Variants in BRINP1 observed in about 807,000 individuals in gnomAD.
BRINP1 encodes BMP/retinoic acid-inducible neural-specific protein 1.
BRINP1 carries 17 observed loss-of-function variants against 72.9 expected under a neutral mutation model. The ratio of observed to expected loss-of-function variants is 0.23; its 90% CI spans 0.16 to 0.35. BRINP1 has a LOEUF of 0.35. Among genes scored for constraint, BRINP1 ranks in the 10% least tolerant of loss-of-function variants. The pLI is 1.00. For missense variants in BRINP1, 850 were observed against 1,001.6 expected, an observed-to-expected ratio of 0.85 and a Z score of 2.04; for synonymous variants, 418 against 378.5, an observed-to-expected ratio of 1.10 and a Z score of -1.21.
At chr9:119,352,525 A>G (rs989694094) in intron 1 of BRINP1, among the ~76,000 whole-genome samples, 2 of 152,052 alleles carry the variant, frequency 1.3e-5, no homozygotes, top group Admixed American at 6.6e-5. Flanking sequence ...CTCCTGCCTC[A>G]GCTTCCTGAG....
intron 2 of BRINP1, among the ~76,000 whole-genome samples, chr9:119,283,736 T>G (rs1455097848): frequency 6.6e-6 from 1 of 152,182 alleles, no homozygotes; most frequent in Non-Finnish European, 1.5e-5. Context: ...TTTCACCATG[T>G]TGGCCAGGCT....
chr9:119,335,492 A>T (rs1475239027), intron 1 of BRINP1, among the ~76,000 whole-genome samples: 1 of 152,204 alleles, frequency 6.6e-6, no homozygotes, highest in Non-Finnish European at 1.5e-5. Flanking sequence ...TTCAACAGGT[A>T]CTTACTGGAT....
chr9:119,291,692 C>T (rs1830823116), intron 2 of BRINP1, among the ~76,000 whole-genome samples: 1 of 152,136 alleles, frequency 6.6e-6, no homozygotes, highest in African/African-American at 2.4e-5. Flanking sequence ...GCTGAAAATC[C>T]AGCATCCAGT....
chr9:119,183,884 C>G (rs751848810), intron 7 of BRINP1, among the ~76,000 whole-genome samples: 4 of 152,076 alleles, frequency 2.6e-5, no homozygotes, highest in Non-Finnish European at 4.4e-5. Context: ...TGTCACATCA[C>G]TGGGACTAAA....
intron 1 of BRINP1, among the ~76,000 whole-genome samples, chr9:119,337,364 C>T (rs774311052): frequency 2.0e-5 from 3 of 152,154 alleles, no homozygotes; most frequent in African/African-American, 4.8e-5. Flanking sequence ...AGAGCTTCCA[C>T]GTAGGAATGA....
At chr9:119,260,412 C>A (rs1054350867) in intron 2 of BRINP1, among the ~76,000 whole-genome samples, 1 of 152,190 alleles carries the variant, frequency 6.6e-6, no homozygotes, top group Admixed American at 6.5e-5. Context: ...CCTTTATAGA[C>A]AGTTTGCTAA....
At chr9:119,174,668 G>A (rs1018008017) in intron 7 of BRINP1, among the ~76,000 whole-genome samples, 9 of 150,016 alleles carry the variant, frequency 6.0e-5, no homozygotes, top group South Asian at 2.1e-4. Flanking sequence ...ACATGCACAC[G>A]TATGTTTATT....
rs374849920 is a variant in BRINP1 at position 119,357,568 on chromosome 9, A to G, written c.-51+11488T>C. Among the ~76,000 whole-genome samples, 36 of 152,334 alleles carry G rather than the reference A, an allele frequency of 2.4e-4. 1 individual carries two copies. The highest frequency in any genetic ancestry group is 8.7e-4 in the African/African-American group (36 of 41,582). ...TGCCGAGGCACTGTGAAGTTAAATTACTATTTTAAGAGGCTATGAAGTTGG... is the reference window on the plus strand; with the variant it reads ...TGCCGAGGCACTGTGAAGTTAAATTGCTATTTTAAGAGGCTATGAAGTTGG... On this transcript the variant is annotated intron_variant, in intron 1 of 7. Coordinates refer to ENST00000265922, the MANE Select transcript of BRINP1 (RefSeq NM_014618.3).
intron 2 of BRINP1, among the ~76,000 whole-genome samples, chr9:119,262,141 C>T (rs775680306): frequency 1.1e-4 from 16 of 152,106 alleles, no homozygotes; most frequent in East Asian, 3.9e-4. Flanking sequence ...TCAAAGATTC[C>T]GGGTTTAACT....
chr9:119,169,876 A>G (rs1829380476), intron 7 of BRINP1, among the ~76,000 whole-genome samples: 2 of 152,162 alleles, frequency 1.3e-5, no homozygotes, highest in Non-Finnish European at 2.9e-5. Flanking sequence ...GGGCACACTG[A>G]CACGTCACAG....
chr9:119,202,330 A>G (rs1444319437), intron 7 of BRINP1, among the ~76,000 whole-genome samples: 1 of 152,158 alleles, frequency 6.6e-6, no homozygotes, highest in Non-Finnish European at 1.5e-5. Flanking sequence ...AACTTAGCCC[A>G]TTCCCATTCC....
At chr9:119,280,566 G>A (rs949944971) in intron 2 of BRINP1, among the ~76,000 whole-genome samples, 2 of 152,056 alleles carry the variant, frequency 1.3e-5, no homozygotes, top group African/African-American at 4.8e-5. Flanking sequence ...ATTTTTAAAT[G>A]CTGTTGAATC....
intron 7 of BRINP1, among the ~76,000 whole-genome samples, chr9:119,199,251 T>A (rs1310858816): frequency 6.6e-6 from 1 of 151,540 alleles, no homozygotes; most frequent in Non-Finnish European, 1.5e-5. Context: ...ACTGCAGGAG[T>A]CTATGGAGAT....
intron 2 of BRINP1, among the ~76,000 whole-genome samples, chr9:119,251,159 T>C (rs1436567242): frequency 6.6e-6 from 1 of 152,196 alleles, no homozygotes; most frequent in African/African-American, 2.4e-5. Flanking sequence ...CTGAGTACCT[T>C]GCATGTTGTT....
chr9:119,319,323 G>A (rs1831160709), intron 1 of BRINP1, among the ~76,000 whole-genome samples: 1 of 152,156 alleles, frequency 6.6e-6, no homozygotes, highest in Non-Finnish European at 1.5e-5. Flanking sequence ...ATTTCCTCAA[G>A]TAGAGATGAA....
At chr9:119,258,489 T>C (rs1316461974) in intron 2 of BRINP1, among the ~76,000 whole-genome samples, 1 of 152,182 alleles carries the variant, frequency 6.6e-6, no homozygotes, top group Non-Finnish European at 1.5e-5. Context: ...GCCCAGTGTT[T>C]CCTGAGATAC....
In BRINP1 at chr9:119,276,758, T is replaced by C. The variant is rs1026266474; in HGVS notation, c.219-27608A>G. On this transcript the variant is annotated intron_variant, in intron 2 of 7. Coordinates refer to ENST00000265922, the MANE Select transcript of BRINP1 (RefSeq NM_014618.3). ...CACTTTAAATGATGTAGATACTGCA[T>C]GATTTCCTTCCAAAGCAGATTTAAA... is the stretch of plus-strand genomic sequence containing the variant. Among the ~76,000 whole-genome samples, 27 of 152,338 alleles carry C rather than the reference T, an allele frequency of 1.8e-4. No individual in the cohort carries two copies. In the East Asian group the frequency reaches 5.0e-3, roughly 28 times the overall value.
chr9:119,254,593 C>T (rs935755286), intron 2 of BRINP1, among the ~76,000 whole-genome samples: 2 of 152,148 alleles, frequency 1.3e-5, no homozygotes, highest in South Asian at 4.2e-4. Context: ...GCTTTGTCAG[C>T]CTTAGTAAAA....
intron 3 of BRINP1, among the ~76,000 whole-genome samples, chr9:119,245,141 T>G (rs1830300570): frequency 6.6e-6 from 1 of 152,156 alleles, no homozygotes; most frequent in Non-Finnish European, 1.5e-5. Context: ...AGCCCTCATG[T>G]ATAAAAAGAC....
Sources: allele counts gnomAD v4.1 joint callset (sites outside exome capture counted in the v4.1 genomes callset), GRCh38; gene constraint gnomAD v4.1.1; transcripts MANE v1.5; gene names NCBI Gene and HGNC (gene_info 2026-07-23, HGNC 2026-07-21).